USP9X: variants seen among roughly 807,000 people sequenced by gnomAD.
The protein encoded by USP9X is ubiquitin specific peptidase 9 X-linked, also known as ubiquitin carboxyl-terminal hydrolase 9X.
USP9X carries 7 observed loss-of-function variants against 190.3 expected under a neutral mutation model. The observed-to-expected ratio is 0.04, with a 90% CI of 0.02 to 0.07. USP9X has a LOEUF of 0.07. Ranked by LOEUF, USP9X falls within the 10% of genes least tolerant of loss-of-function variation. The pLI, the probability that USP9X is intolerant of heterozygous loss-of-function variation, is 1.00. For synonymous variants in USP9X, 645 were observed against 659.5 expected (o/e 0.98, Z 0.34); for missense variants, 1,010 against 1,916.9 (o/e 0.53, Z 8.83).
chrX:41,183,979 G>A lies in USP9X; in HGVS notation c.3149-19G>A, dbSNP rs2147157214. On this transcript the variant is annotated intron_variant, in intron 21 of 44. Coordinates refer to ENST00000378308, the MANE Select transcript of USP9X (RefSeq NM_001039591.3). ...AACACATGAATTACATTTTCACACTGTCTCTTTTTTTCCTCCAGATAGCAC... is the reference window on the plus strand; with the variant it reads ...AACACATGAATTACATTTTCACACTATCTCTTTTTTTCCTCCAGATAGCAC... The A allele has an allele frequency of 1.7e-6, 2 of 1,193,498 alleles. No homozygotes were observed. The highest frequency in any genetic ancestry group is 6.0e-5 in the East Asian group (2 of 33,568).
At chrX:41,155,999 C>T (rs746406382) in intron 14 of USP9X, among the ~76,000 whole-genome samples, 2 of 111,654 alleles carry the variant, frequency 1.8e-5, no homozygotes, top group South Asian at 7.4e-4. Context: ...ACAAAAATGC[C>T]AACTAACAAA....
At position 41,167,534 on chromosome X, in the gene USP9X, A is replaced by G. The variant is rs1371034794; in HGVS notation, c.2381A>G (p.Lys794Arg). 1 of 1,208,396 alleles carries G rather than the reference A, an allele frequency of 8.3e-7. No homozygotes were observed. Among genetic ancestry groups the G allele is most frequent in the Non-Finnish European group, 1.1e-6 (1 of 893,511 alleles). Residue 794 changes from lysine (K) to arginine (R), a missense_variant, in exon 17 of 45, where the codon AAA (lysine) becomes AGA (arginine). Physicochemically the swap from Lys to Arg is conservative, Grantham distance 26. Around this residue, in one of 11 missense-constraint regions of USP9X, gnomAD observed 104 missense variants for 239.8 expected, o/e 0.43. Transcript: ENST00000378308. Reference protein sequence around the residue: ...DIASRAIDLLKEIYTNLGPRL... With the variant: ...DIASRAIDLLREIYTNLGPRL... ...GCCAGCAGAGCTATAGATCTCCTCA[A>G]AGAGATATACACGAACCTTGGTCCA...
intron 1 of USP9X, among the ~76,000 whole-genome samples, chrX:41,092,263 A>G (rs900912730): frequency 1.8e-5 from 2 of 111,793 alleles, no homozygotes; most frequent in African/African-American, 6.5e-5. Context: ...CTTGATGTCC[A>G]TTTTATTCCT....
intron 37 of USP9X, 86 bp downstream of exon 37, chrX:41,218,683 A>T (rs994243875): frequency 4.6e-6 from 4 of 865,653 alleles, no homozygotes; most frequent in Non-Finnish European, 3.3e-6. Context: ...GCATATGTGC[A>T]TCCACTTGAT....
chrX:41,101,182 C>T (rs757093405), intron 1 of USP9X, among the ~76,000 whole-genome samples: 5 of 110,815 alleles, frequency 4.5e-5, no homozygotes, highest in Non-Finnish European at 9.4e-5. Flanking sequence ...TGCAGTAACT[C>T]GATACAGCTT....
intron 14 of USP9X, among the ~76,000 whole-genome samples, chrX:41,162,117 G>A (rs887849256): frequency 8.9e-6 from 1 of 111,875 alleles, no homozygotes; most frequent in African/African-American, 3.2e-5. Flanking sequence ...CACATCAGGA[G>A]TTTGTTCAGA....
intron 29 of USP9X, among the ~76,000 whole-genome samples, chrX:41,197,776 C>T (rs944971873): frequency 1.8e-5 from 2 of 110,439 alleles, no homozygotes; most frequent in Non-Finnish European, 3.8e-5. Flanking sequence ...TTTGGGAGGC[C>T]GAGTCCAGTG....
At chrX:41,130,382 G>T (rs1456202796) in intron 3 of USP9X, among the ~76,000 whole-genome samples, 1 of 110,113 alleles carries the variant, frequency 9.1e-6, no homozygotes, top group African/African-American at 3.3e-5. Flanking sequence ...GTTGGTGATT[G>T]GTAATAAAAT....
intron 5 of USP9X, among the ~76,000 whole-genome samples, chrX:41,136,489 C>T (rs2044296761): frequency 1.8e-5 from 2 of 112,517 alleles, no homozygotes; most frequent in South Asian, 7.3e-4. Flanking sequence ...TCTAGAATTG[C>T]TGCCTCTCGT....
Position 41,229,569 on chromosome X carries a change from C to T in USP9X, c.7221C>T (p.Gly2407=), listed in dbSNP as rs1339322865. 6 of 1,210,569 alleles carry T rather than the reference C, an allele frequency of 5.0e-6. No individual in the cohort carries two copies. The East Asian group carries it at 1.5e-4, about 30-fold the overall frequency. ...NCPVAYQILQ[G]NGDLKRKWTW... The stretch of plus-strand genomic sequence containing the variant: ...TATGGTTTTATTTTCTTTTGCAGGG[C>T]AATGGAGATCTTAAAAGAAAGTGGA... Residue 2407 remains glycine (G), a splice_region_variant and synonymous_variant, in exon 43 of 45, where the codon GGC becomes GGT. Coordinates refer to ENST00000378308, the MANE Select transcript of USP9X (RefSeq NM_001039591.3).
intron 32 of USP9X, among the ~76,000 whole-genome samples, chrX:41,210,014 C>T (rs2063144558): frequency 8.9e-6 from 1 of 111,922 alleles, no homozygotes; most frequent in South Asian, 3.7e-4. Flanking sequence ...ACAAGTTAAA[C>T]CTTTCTCTCT....
chrX:41,181,394 T>TAAG (rs1460331787), intron 21 of USP9X, among the ~76,000 whole-genome samples: 1 of 92,944 alleles, frequency 1.1e-5, no homozygotes, highest in Non-Finnish European at 2.1e-5. Context: ...GGCTCCTGCC[T>TAAG]AAGAGTAGCT....
chrX:41,222,370 ACTG>A (rs764659925), intron 38 of USP9X, among the ~76,000 whole-genome samples: 3 of 100,791 alleles, frequency 3.0e-5, no homozygotes, highest in African/African-American at 1.1e-4. Context: ...TGGTTTGAGA[ACTG>A]CTCCTTAGCT....
chrX:41,106,195 ATCCATTGC>A lies in USP9X; in HGVS notation c.-158-17275_-158-17268del, dbSNP rs1408556955. On this transcript the variant is annotated intron_variant, in intron 1 of 44. Coordinates refer to ENST00000378308, the MANE Select transcript of USP9X (RefSeq NM_001039591.3). ...TGCTTTTGGTATTGTATCTGTTAGAATCCATTGCCAAATCCTAGGTCATTAAGATTTAC... is the reference window on the plus strand; with the variant it reads ...TGCTTTTGGTATTGTATCTGTTAGAACAAATCCTAGGTCATTAAGATTTAC... Among the ~76,000 whole-genome samples, 912 of 111,800 alleles carry A rather than the reference ATCCATTGC, an allele frequency of 8.2e-3. 14 individuals carry two copies. The highest frequency in any genetic ancestry group is 0.029 in the African/African-American group (883 of 30,808).
At chrX:41,217,626 C>T (rs185956469) in intron 36 of USP9X, among the ~76,000 whole-genome samples, 47 of 112,020 alleles carry the variant, frequency 4.2e-4, no homozygotes, top group Non-Finnish European at 7.7e-4. Context: ...TGACTCACAC[C>T]TGTAATGCCA....
intron 1 of USP9X, 85 bp from the exon 2 acceptor site, chrX:41,123,386 C>T (rs1174762887): frequency 8.7e-6 from 3 of 344,551 alleles, no homozygotes; most frequent in African/African-American, 2.7e-5. Flanking sequence ...TGATTAGATT[C>T]ACTGGTGATA....
intron 14 of USP9X, among the ~76,000 whole-genome samples, chrX:41,159,812 C>T (rs1434106782): frequency 1.8e-5 from 2 of 111,658 alleles, no homozygotes; most frequent in Non-Finnish European, 3.8e-5. Flanking sequence ...GCATGAGCCA[C>T]TGTGCTCAGC....
chrX:41,222,895 A>T (rs139098732), intron 38 of USP9X, among the ~76,000 whole-genome samples: 5 of 111,511 alleles, frequency 4.5e-5, no homozygotes, highest in Non-Finnish European at 5.7e-5. Flanking sequence ...CTGGCGAGAG[A>T]GCGAGACTGT....
At chrX:41,195,696 C>G (rs746074018) in intron 26 of USP9X, among the ~76,000 whole-genome samples, 1 of 111,842 alleles carries the variant, frequency 8.9e-6, no homozygotes, top group South Asian at 3.7e-4. Context: ...AGAACCCTTG[C>G]ATGTGTAGTT....
Sources: allele counts gnomAD v4.1 joint callset (sites outside exome capture counted in the v4.1 genomes callset), GRCh38; gene constraint gnomAD v4.1.1; regional missense constraint gnomAD v4.1.1; transcripts MANE v1.5; gene names NCBI Gene and HGNC (gene_info 2026-07-23, HGNC 2026-07-21).